RHBDD1: variants seen among roughly 807,000 people sequenced by gnomAD.
The protein encoded by RHBDD1 is rhomboid-related protein 4.
Under a neutral mutation model 36.3 loss-of-function variants are expected in RHBDD1, and 38 were observed. That is an observed-to-expected ratio of 1.05 (90% confidence interval 0.81 to 1.37). RHBDD1 has a LOEUF of 1.37. RHBDD1 is among the 40% of genes most tolerant of loss of function. The probability of loss-of-function intolerance (pLI) is 0.00; values close to 1 mark genes in which losing one functional copy is unlikely to be tolerated. For synonymous variants in RHBDD1, 151 were observed against 136.5 expected (o/e 1.11, Z -0.74); for missense variants, 393 against 377.6 (o/e 1.04, Z -0.34).
the RHBDD1 span, among the ~76,000 whole-genome samples, chr2:226,825,274 TA>T: frequency 4.6e-5 from 7 of 151,690 alleles, no homozygotes; most frequent in South Asian, 2.1e-4. Flanking sequence ...TTTAGTTGGT[TA>T]AAAAAAAGCA....
the RHBDD1 span, among the ~76,000 whole-genome samples, chr2:226,822,362 C>T: frequency 6.6e-6 from 1 of 152,030 alleles, no homozygotes; most frequent in Non-Finnish European, 1.5e-5. Context: ...TGGCCAGGCA[C>T]GGTGGCTCAC....
chr2:226,965,879 C>T (rs182284452), intron 8 of RHBDD1, among the ~76,000 whole-genome samples: 10 of 151,380 alleles, frequency 6.6e-5, no homozygotes, highest in African/African-American at 9.7e-5. Context: ...ACAGGAGAAC[C>T]GCAATTGCTT....
intron 8 of RHBDD1, among the ~76,000 whole-genome samples, chr2:226,941,416 G>A (rs559108909): frequency 1.3e-5 from 2 of 152,364 alleles, no homozygotes; most frequent in Admixed American, 6.5e-5. Flanking sequence ...GGCCTTTGGA[G>A]GTGTAGGAGA....
At chr2:226,932,958 T>A (rs1416190999) in intron 8 of RHBDD1, among the ~76,000 whole-genome samples, 1 of 152,070 alleles carries the variant, frequency 6.6e-6, no homozygotes, top group Non-Finnish European at 1.5e-5. Context: ...TGACTCACAG[T>A]TCCACATTGC....
At chr2:226,944,140 C>A (rs1217728532) in intron 8 of RHBDD1, among the ~76,000 whole-genome samples, 1 of 152,140 alleles carries the variant, frequency 6.6e-6, no homozygotes, top group African/African-American at 2.4e-5. Flanking sequence ...CAATCTAAAC[C>A]AAGGATGACT....
intron 8 of RHBDD1, among the ~76,000 whole-genome samples, chr2:226,962,510 C>A (rs1278466574): frequency 6.6e-6 from 1 of 152,214 alleles, no homozygotes; most frequent in Middle Eastern, 3.2e-3. Flanking sequence ...TAATCGCAGT[C>A]TAGTCTTTAA....
At chr2:226,882,576 A>C (rs1051966631) in intron 5 of RHBDD1, among the ~76,000 whole-genome samples, 1 of 151,852 alleles carries the variant, frequency 6.6e-6, no homozygotes, top group Non-Finnish European at 1.5e-5. Flanking sequence ...AACTGGACTT[A>C]GATTGGCAGA....
intron 8 of RHBDD1, among the ~76,000 whole-genome samples, chr2:226,961,460 G>A (rs1952193855): frequency 6.6e-6 from 1 of 152,084 alleles, no homozygotes; most frequent in Non-Finnish European, 1.5e-5. Flanking sequence ...TCTCCAAAAA[G>A]ATAATAATGG....
intron 8 of RHBDD1, among the ~76,000 whole-genome samples, chr2:226,925,568 G>A (rs929310993): frequency 5.3e-5 from 8 of 151,886 alleles, no homozygotes; most frequent in East Asian, 1.9e-4. Context: ...AAATGAAAAC[G>A]GCCTTTGACA....
chr2:226,944,809 G>T (rs186823012), intron 8 of RHBDD1, among the ~76,000 whole-genome samples: 10 of 152,252 alleles, frequency 6.6e-5, no homozygotes, highest in African/African-American at 2.4e-4. Context: ...GGACAATCTG[G>T]GTATTGATGC....
intron 8 of RHBDD1, chr2:226,988,819 A>C (rs1575539464): frequency 5.1e-6 from 3 of 589,386 alleles, no homozygotes; most frequent in Admixed American, 1.3e-4. Context: ...GTTAACTACC[A>C]AGGCTGACTT....
chr2:226,858,394 C>G (rs1483234610), intron 3 of RHBDD1, among the ~76,000 whole-genome samples: 2 of 152,128 alleles, frequency 1.3e-5, no homozygotes, highest in East Asian at 1.9e-4. Flanking sequence ...ATGGAAGTCT[C>G]AATCTTCAGA....
At chr2:226,887,785 A>G (rs948337008) in intron 5 of RHBDD1, among the ~76,000 whole-genome samples, 4 of 152,242 alleles carry the variant, frequency 2.6e-5, no homozygotes, top group African/African-American at 7.2e-5. Context: ...TAAACTTGCA[A>G]TGCTCTTTTG....
intron 8 of RHBDD1, among the ~76,000 whole-genome samples, chr2:226,983,977 T>C (rs1423562621): frequency 6.6e-6 from 1 of 152,252 alleles, no homozygotes; most frequent in Non-Finnish European, 1.5e-5. Context: ...ATGGAGGAAC[T>C]GTCCCTGCTC....
chr2:226,857,782 G>A (rs1320060879), intron 3 of RHBDD1, among the ~76,000 whole-genome samples: 1 of 152,050 alleles, frequency 6.6e-6, no homozygotes, highest in Non-Finnish European at 1.5e-5. Context: ...GCACTAGGTG[G>A]GAAGTGACTG....
chr2:226,923,999 T>G (rs1949505980), intron 8 of RHBDD1, among the ~76,000 whole-genome samples: 3 of 152,134 alleles, frequency 2.0e-5, no homozygotes, highest in Non-Finnish European at 2.9e-5. Context: ...TGCTCTACCC[T>G]GCTGTGGCCA....
At chr2:226,852,960 G>A (rs186656653) in intron 3 of RHBDD1, among the ~76,000 whole-genome samples, 152 of 144,322 alleles carry the variant, frequency 1.1e-3, no homozygotes, top group Non-Finnish European at 1.9e-3. Context: ...GTAGAGATGA[G>A]GTCTTGCTAT....
At chr2:226,829,719 ATTAAT>A in the RHBDD1 span, among the ~76,000 whole-genome samples, 1 of 151,998 alleles carries the variant, frequency 6.6e-6, no homozygotes, top group Non-Finnish European at 1.5e-5. Context: ...TGCTAAACTT[ATTAAT>A]TTTAGTAGTT....
At chr2:226,943,898 A>T (rs1173698876) in intron 8 of RHBDD1, among the ~76,000 whole-genome samples, 1 of 152,214 alleles carries the variant, frequency 6.6e-6, no homozygotes, top group African/African-American at 2.4e-5. Context: ...GTATTACAAA[A>T]CCACATAAAC....
Sources: allele counts gnomAD v4.1 joint callset (sites outside exome capture counted in the v4.1 genomes callset), GRCh38; gene constraint gnomAD v4.1.1; transcripts MANE v1.5; gene names NCBI Gene and HGNC (gene_info 2026-07-23, HGNC 2026-07-21).